The following JADE3 variants were observed in gnomAD, a reference collection of about 807,000 sequenced individuals.
The protein encoded by JADE3 is protein Jade-3.
A neutral mutation model predicts 50.1 loss-of-function variants in JADE3; 2 were observed. That is an observed-to-expected ratio of 0.04 (90% CI 0.02 to 0.13). The LOEUF is 0.13. Ranked by LOEUF, JADE3 falls within the 10% of genes least tolerant of loss-of-function variation. The pLI is 1.00. For missense variants in JADE3, 475 were observed against 634.4 expected (o/e 0.75, Z 2.70); for synonymous variants, 218 against 232.9 (o/e 0.94, Z 0.58).
At chrX:47,003,924 A>T (rs1556359769) in intron 4 of JADE3, among the ~76,000 whole-genome samples, 1 of 102,723 alleles carries the variant, frequency 9.7e-6, no homozygotes, top group African/African-American at 3.5e-5. Context: ...TAAATTATTT[A>T]TATATATAAA....
chrX:46,970,653 G>A (rs1233001497), intron 1 of JADE3, among the ~76,000 whole-genome samples: 1 of 111,642 alleles, frequency 9.0e-6, no homozygotes, highest in Non-Finnish European at 1.9e-5. Flanking sequence ...TTAAAAGTTG[G>A]TGTGCAGTGG....
chrX:46,980,802 TCCGTGTCC>T (rs1927731235), intron 1 of JADE3, among the ~76,000 whole-genome samples: 5 of 111,609 alleles, frequency 4.5e-5, no homozygotes, highest in African/African-American at 1.6e-4. Flanking sequence ...GGCAGAGATG[TCCGTGTCC>T]TAATCTCTGC....
At chrX:46,964,407 A>G (rs1927326654) in intron 1 of JADE3, among the ~76,000 whole-genome samples, 1 of 111,713 alleles carries the variant, frequency 9.0e-6, no homozygotes, top group Non-Finnish European at 1.9e-5. Context: ...CTGAGCTGCC[A>G]TGTAAGAAGT....
chrX:46,919,581 C>T (rs1416169411), intron 1 of JADE3, among the ~76,000 whole-genome samples: 5 of 111,833 alleles, frequency 4.5e-5, no homozygotes, highest in Non-Finnish European at 9.4e-5. Flanking sequence ...TTTGGGGCAT[C>T]AGCCTTTGAC....
At chrX:47,050,940 A>C in intron 8 of JADE3, among the ~76,000 whole-genome samples, 1 of 112,533 alleles carries the variant, frequency 8.9e-6, no homozygotes, top group Non-Finnish European at 1.9e-5. Flanking sequence ...TGATAACAAA[A>C]GGTACCCAGG....
At chrX:46,969,347 C>T (rs971022242) in intron 1 of JADE3, among the ~76,000 whole-genome samples, 20 of 111,605 alleles carry the variant, frequency 1.8e-4, no homozygotes, top group Admixed American at 4.7e-4. Flanking sequence ...ACCCAGGAGG[C>T]GGAGGTTGCA....
At chrX:46,926,667 ACT>A (rs1346800393) in intron 1 of JADE3, among the ~76,000 whole-genome samples, 1 of 112,066 alleles carries the variant, frequency 8.9e-6, no homozygotes, top group Non-Finnish European at 1.9e-5. Flanking sequence ...CTTTAGTCAT[ACT>A]CTCTTTCCAT....
chrX:46,919,301 C>G (rs1556337196), intron 1 of JADE3, among the ~76,000 whole-genome samples: 1 of 111,673 alleles, frequency 9.0e-6, no homozygotes, highest in Non-Finnish European at 1.9e-5. Context: ...GTGTATTAGA[C>G]TCTACTAGAT....
intron 1 of JADE3, among the ~76,000 whole-genome samples, chrX:46,945,259 C>G (rs1286104342): frequency 9.0e-6 from 1 of 110,905 alleles, no homozygotes; most frequent in Non-Finnish European, 1.9e-5. Flanking sequence ...ATGATAGTCA[C>G]TCATAGACTT....
chrX:46,923,210 C>T (rs1926263306), intron 1 of JADE3, among the ~76,000 whole-genome samples: 1 of 107,508 alleles, frequency 9.3e-6, no homozygotes, highest in Non-Finnish European at 1.9e-5. Flanking sequence ...GATGGGGTTT[C>T]ACCATGTTGC....
At chrX:47,034,342 T>A (rs1929086499) in intron 7 of JADE3, among the ~76,000 whole-genome samples, 1 of 111,458 alleles carries the variant, frequency 9.0e-6, no homozygotes, top group Non-Finnish European at 1.9e-5. Context: ...TTTGTCTTGA[T>A]CATGATAGAT....
intron 9 of JADE3, 124 bp from the exon 10 acceptor site, chrX:47,055,958 T>C (rs1929624300): frequency 2.3e-6 from 1 of 434,625 alleles, no homozygotes; most frequent in African/African-American, 2.5e-5. Flanking sequence ...TCTGCAGCTC[T>C]TGGATTCTGT....
intron 4 of JADE3, among the ~76,000 whole-genome samples, chrX:47,009,052 G>C (rs1602406698): frequency 9.0e-6 from 1 of 110,859 alleles, no homozygotes; most frequent in Admixed American, 9.7e-5. Context: ...GTCGAGTGTA[G>C]TGGCTCACAC....
intron 3 of JADE3, among the ~76,000 whole-genome samples, chrX:46,991,430 A>G (rs990719487): frequency 9.1e-6 from 1 of 110,260 alleles, no homozygotes; most frequent in Non-Finnish European, 1.9e-5. Flanking sequence ...TTATCAGTAC[A>G]CCACATTTTG....
intron 4 of JADE3, among the ~76,000 whole-genome samples, chrX:47,006,960 T>C (rs1165927610): frequency 1.8e-5 from 2 of 110,108 alleles, no homozygotes; most frequent in Non-Finnish European, 3.8e-5. Flanking sequence ...TGATTTCTAG[T>C]TTTCTTTTTT....
chrX:46,957,029 T>C (rs887400292), intron 1 of JADE3, among the ~76,000 whole-genome samples: 2 of 110,732 alleles, frequency 1.8e-5, no homozygotes, highest in Admixed American at 9.7e-5. Context: ...TTCTCCATGT[T>C]GCCAAGGCTG....
chrX:46,923,214 A>T (rs1556338119), intron 1 of JADE3, among the ~76,000 whole-genome samples: 1 of 107,232 alleles, frequency 9.3e-6, no homozygotes. Flanking sequence ...GGGTTTCACC[A>T]TGTTGCCCAG....
intron 1 of JADE3, among the ~76,000 whole-genome samples, chrX:46,969,408 T>G (rs1241352492): frequency 9.2e-6 from 1 of 109,002 alleles, no homozygotes; most frequent in African/African-American, 3.4e-5. Flanking sequence ...AGAGTGAGAC[T>G]CTGTCTCAAA....
At chrX:47,038,281 T>C in intron 7 of JADE3, among the ~76,000 whole-genome samples, 1 of 111,679 alleles carries the variant, frequency 9.0e-6, no homozygotes, top group Non-Finnish European at 1.9e-5. Context: ...CTCTTTGATA[T>C]ACCGTTTTCC....
Sources: gnomAD v4.1 joint callset for allele counts (sites outside exome capture counted in the v4.1 genomes callset) on GRCh38, gnomAD v4.1.1 for gene constraint, MANE v1.5 for transcripts, NCBI Gene and HGNC (gene_info 2026-07-23, HGNC 2026-07-21) for gene names.